The following FAAH2 variants were observed in gnomAD, a reference collection of about 807,000 sequenced individuals.
FAAH2 encodes fatty acid amide hydrolase 2.
In FAAH2, 60 loss-of-function variants were observed where a neutral mutation model predicts 36.9. The observed-to-expected ratio is 1.63, with a 90% CI of 1.32 to 2.02. The LOEUF (loss-of-function observed/expected upper bound fraction) is 2.02. FAAH2 is among the 30% of genes most tolerant of loss of function. The probability of loss-of-function intolerance (pLI) is 0.00; values close to 1 mark genes in which losing one functional copy is unlikely to be tolerated. For synonymous variants in FAAH2, 214 were observed against 143.8 expected, an observed-to-expected ratio of 1.49 and a Z score of -3.49; for missense variants, 689 against 397.5, an observed-to-expected ratio of 1.73 and a Z score of -6.23.
At chrX:57,467,638 G>C (rs1329222587) in intron 10 of FAAH2, among the ~76,000 whole-genome samples, 1 of 111,977 alleles carries the variant, frequency 8.9e-6, no homozygotes, top group Non-Finnish European at 1.9e-5. Flanking sequence ...ACAGCTCAAG[G>C]AGGCCTGCCT....
chrX:57,140,417 C>CAAAAAAAAA, the FAAH2 span, among the ~76,000 whole-genome samples: 1 of 64,828 alleles, frequency 1.5e-5, no homozygotes, highest in African/African-American at 6.6e-5. Context: ...CCATCTCTAC[C>CAAAAAAAAA]AAAAAAAAAA....
chrX:57,330,941 C>A (rs1483346687), intron 3 of FAAH2, among the ~76,000 whole-genome samples: 1 of 110,473 alleles, frequency 9.1e-6, no homozygotes, highest in African/African-American at 3.3e-5. Flanking sequence ...AGGGGCTGCA[C>A]TGCAAGCAGG....
the FAAH2 span, among the ~76,000 whole-genome samples, chrX:57,126,606 G>C: frequency 8.9e-5 from 10 of 111,916 alleles, no homozygotes; most frequent in South Asian, 2.2e-3. Flanking sequence ...ATGGAGCCAG[G>C]CTATGCAAAA....
chrX:57,145,294 C>T, the FAAH2 span, among the ~76,000 whole-genome samples: 1 of 110,193 alleles, frequency 9.1e-6, no homozygotes. Context: ...TTTTGATTAA[C>T]ATTTCCCTGA....
At chrX:57,409,050 T>C (rs1602564872) in intron 7 of FAAH2, among the ~76,000 whole-genome samples, 1 of 111,726 alleles carries the variant, frequency 9.0e-6, no homozygotes, top group East Asian at 2.8e-4. Flanking sequence ...GATACTAACA[T>C]ATACAGCATG....
intron 5 of FAAH2, among the ~76,000 whole-genome samples, chrX:57,342,996 G>A (rs2053725471): frequency 8.9e-6 from 1 of 111,848 alleles, no homozygotes; most frequent in Non-Finnish European, 1.9e-5. Flanking sequence ...TGGTGTAAAG[G>A]TACTACATAT....
chrX:57,352,991 C>T (rs748685459), intron 5 of FAAH2, among the ~76,000 whole-genome samples: 6 of 110,484 alleles, frequency 5.4e-5, no homozygotes, highest in East Asian at 2.8e-4. Flanking sequence ...TATGCTCATA[C>T]GTCAGAAGAA....
At position 57,325,066 on chromosome X, in the gene FAAH2, C is replaced by G. The variant is rs779515712; in HGVS notation, c.413-6532C>G. On this transcript the variant is annotated intron_variant, in intron 3 of 10. Transcript: ENST00000374900. ...TAGCATGAAGGTTGTTGAATTTTGT[C>G]AAAGGCCTTTTCTGCATCTATTGAG... is the stretch of plus-strand genomic sequence containing the variant. Among the ~76,000 whole-genome samples the G allele has an allele frequency of 2.2e-4, 25 of 111,965 alleles. No homozygotes were observed. In the East Asian group the frequency reaches 5.0e-3, roughly 23 times the overall value.
At chrX:57,438,305 T>C (rs2056461536) in intron 8 of FAAH2, among the ~76,000 whole-genome samples, 1 of 106,733 alleles carries the variant, frequency 9.4e-6, no homozygotes, top group Non-Finnish European at 1.9e-5. Context: ...AGACTACTGA[T>C]GTAAGAAAAA....
At chrX:57,126,724 G>A in the FAAH2 span, among the ~76,000 whole-genome samples, 1 of 111,451 alleles carries the variant, frequency 9.0e-6, no homozygotes, top group African/African-American at 3.3e-5. Context: ...AGCTAGTCAT[G>A]GTGATGCCAT....
At chrX:57,167,084 A>T in the FAAH2 span, among the ~76,000 whole-genome samples, 2 of 111,795 alleles carry the variant, frequency 1.8e-5, no homozygotes, top group African/African-American at 6.5e-5. Flanking sequence ...TTATGTTGGG[A>T]TGGGTGCCCT....
At chrX:57,443,923 C>G (rs1166120584) in intron 8 of FAAH2, among the ~76,000 whole-genome samples, 1 of 112,156 alleles carries the variant, frequency 8.9e-6, no homozygotes, top group African/African-American at 3.2e-5. Context: ...GGCTGCAGAA[C>G]AGCAAATATT....
At chrX:57,419,510 T>C (rs1479085308) in intron 7 of FAAH2, among the ~76,000 whole-genome samples, 1 of 112,391 alleles carries the variant, frequency 8.9e-6, no homozygotes, top group Admixed American at 9.4e-5. Context: ...GCAGCATAAA[T>C]GTCTTCTTTT....
the FAAH2 span, among the ~76,000 whole-genome samples, chrX:57,143,475 G>GTAT: frequency 8.9e-4 from 97 of 109,193 alleles, 1 homozygote; most frequent in Non-Finnish European, 1.5e-3. Flanking sequence ...AAAATTGCTC[G>GTAT]TATTATTATT....
chrX:57,436,075 C>T (rs889441386), intron 8 of FAAH2, among the ~76,000 whole-genome samples: 4 of 110,744 alleles, frequency 3.6e-5, no homozygotes, highest in Non-Finnish European at 5.7e-5. Context: ...ACTTTGGAAA[C>T]TATACAAATA....
chrX:57,292,681 T>C, intron 2 of FAAH2, 101 bp downstream of exon 2: 2 of 642,914 alleles, frequency 3.1e-6, no homozygotes, highest in Non-Finnish European at 2.3e-6. Context: ...TCTTTCTCTT[T>C]GTCCTTCCCT....
At chrX:57,283,786 A>G (rs1447063559), upstream of FAAH2, among the ~76,000 whole-genome samples, 2 of 111,644 alleles carry the variant, frequency 1.8e-5, no homozygotes, top group East Asian at 5.7e-4. Context: ...AATGCAGCAG[A>G]ACAGTACCAC....
At chrX:57,460,386 A>G (rs1015791765) in intron 10 of FAAH2, among the ~76,000 whole-genome samples, 1 of 111,719 alleles carries the variant, frequency 9.0e-6, no homozygotes. Flanking sequence ...AGGCTGGAAT[A>G]AATGTTAAGG....
At chrX:57,452,071 G>A in intron 10 of FAAH2, 1 of 510,480 alleles carries the variant, frequency 2.0e-6, no homozygotes, top group Non-Finnish European at 2.4e-6. Context: ...CAGGACAGAT[G>A]GAAGGAAACA....
Sources: allele counts gnomAD v4.1 joint callset (sites outside exome capture counted in the v4.1 genomes callset), GRCh38; gene constraint gnomAD v4.1.1; transcripts MANE v1.5; gene names NCBI Gene and HGNC (gene_info 2026-07-23, HGNC 2026-07-21).